The following TTC6 variants were observed in gnomAD, a reference collection of about 807,000 sequenced individuals.
TTC6 encodes the protein tetratricopeptide repeat domain 6.
In TTC6, 172 loss-of-function variants were observed where a neutral mutation model predicts 210.4. That is an observed-to-expected ratio of 0.82 (90% CI 0.72 to 0.93). TTC6 has a LOEUF of 0.93. Ranked by LOEUF, TTC6 falls within the 40% of genes least tolerant of loss-of-function variation. TTC6 has a pLI of 0.00. For synonymous variants in TTC6, 804 were observed against 819.6 expected, an observed-to-expected ratio of 0.98 and a Z score of 0.32; for missense variants, 2,414 against 2,318.1, an observed-to-expected ratio of 1.04 and a Z score of -0.85.
chr14:37,708,602 G>GTA (rs1264336843), intron 5 of TTC6, among the ~76,000 whole-genome samples: 1 of 151,872 alleles, frequency 6.6e-6, no homozygotes, highest in African/African-American at 2.4e-5. Flanking sequence ...GCTTAATTCT[G>GTA]TATACTCGCT....
At chr14:37,816,270 CT>C (rs1455553658) in intron 25 of TTC6, among the ~76,000 whole-genome samples, 5 of 152,158 alleles carry the variant, frequency 3.3e-5, no homozygotes, top group Non-Finnish European at 7.3e-5. Flanking sequence ...AACCTTAATA[CT>C]CCCTCTTCCA....
intron 7 of TTC6, among the ~76,000 whole-genome samples, chr14:37,732,849 G>T (rs888138213): frequency 8.2e-5 from 12 of 145,544 alleles, no homozygotes; most frequent in African/African-American, 3.0e-4. Flanking sequence ...CTCGTGATCC[G>T]CCCACCTCGG....
intron 2 of TTC6, 66 bp from the exon 5 acceptor site, chr14:37,682,692 A>G (rs1190810157): frequency 1.5e-6 from 2 of 1,328,264 alleles, no homozygotes; most frequent in Admixed American, 2.2e-5. Flanking sequence ...AAACTGTTGC[A>G]TCACTGAAAA....
chr14:37,840,792 T>G (rs2096208202), intron 29 of TTC6, among the ~76,000 whole-genome samples: 1 of 152,148 alleles, frequency 6.6e-6, no homozygotes, highest in African/African-American at 2.4e-5. Context: ...TGTTGTGGCC[T>G]TCTTTTCTAT....
intron 5 of TTC6, among the ~76,000 whole-genome samples, chr14:37,704,297 C>G (rs2138697769): frequency 6.6e-6 from 1 of 152,150 alleles, no homozygotes; most frequent in East Asian, 1.9e-4. Context: ...TTAAGTGATC[C>G]TCCTGCACCA....
chr14:37,787,505 T>G, exon 15 of TTC6: 1 of 1,529,738 alleles, frequency 6.5e-7, no homozygotes, highest in South Asian at 1.2e-5. Flanking sequence ...ATGGAAATTT[T>G]ATAAAGAAGC....
chr14:37,622,921 C>T, exon 1 of TTC6: 1 of 1,533,928 alleles, frequency 6.5e-7, no homozygotes, highest in South Asian at 1.2e-5. Context: ...TCTCTGCAGT[C>T]CGAGGCCCAG....
chr14:37,807,012 AT>A, intron 22 of TTC6, among the ~76,000 whole-genome samples: 1 of 152,180 alleles, frequency 6.6e-6, no homozygotes, highest in Non-Finnish European at 1.5e-5. Context: ...TTCACAGGAG[AT>A]GCATACTGGA....
intron 3 of TTC6, among the ~76,000 whole-genome samples, chr14:37,687,606 T>TG (rs2095796402): frequency 6.6e-6 from 1 of 151,602 alleles, no homozygotes; most frequent in South Asian, 2.1e-4. Flanking sequence ...GATGGAAGAG[T>TG]GGGGAAGACT....
At chr14:37,597,787 C>A (rs545787420) in intron 1 of TTC6, among the ~76,000 whole-genome samples, 2 of 152,190 alleles carry the variant, frequency 1.3e-5, no homozygotes, top group Non-Finnish European at 2.9e-5. Flanking sequence ...CGGGGAGCAC[C>A]GCCAGGCGAT....
intron 6 of TTC6, among the ~76,000 whole-genome samples, chr14:37,716,554 C>A (rs1417247280): frequency 1.3e-5 from 2 of 152,164 alleles, no homozygotes; most frequent in Non-Finnish European, 2.9e-5. Context: ...ATAAGATAGA[C>A]TTCCAAGCAA....
chr14:37,830,046 G>A (rs1379908206), intron 29 of TTC6, among the ~76,000 whole-genome samples: 1 of 151,906 alleles, frequency 6.6e-6, no homozygotes, highest in Non-Finnish European at 1.5e-5. Context: ...TCTAAGGAGG[G>A]GCTCCTGAGA....
At position 37,749,853 on chromosome 14, in the gene TTC6, C is replaced by A; in HGVS notation, c.2956+10C>A. 1.5e-6 allele frequency: 2 copies of A among 1,348,512 alleles called. No homozygotes were observed. The highest frequency in any genetic ancestry group is 4.0e-5 in the South Asian group (2 of 50,566). The allele number at this position is 1,348,512 out of a possible 1,614,324, so 83.5% of individuals were successfully genotyped here. A position where few individuals can be genotyped will look rare whatever the true frequency, so the allele number is the denominator to read the frequency against. ...AATAAAAATAATACAGGTGGGTTGTCTGTAGAGACAGTTATATTACCTACA... is the reference window on the plus strand; with the variant it reads ...AATAAAAATAATACAGGTGGGTTGTATGTAGAGACAGTTATATTACCTACA... On this transcript the variant is annotated intron_variant, in intron 12 of 30. Coordinates refer to ENST00000553443, the Ensembl canonical transcript of TTC6.
At chr14:37,599,402 C>T (rs1247222534) in intron 1 of TTC6, among the ~76,000 whole-genome samples, 2 of 152,218 alleles carry the variant, frequency 1.3e-5, no homozygotes, top group Non-Finnish European at 2.9e-5. Context: ...GGCCTCAACC[C>T]CGGCTGTGTG....
intron 1 of TTC6, among the ~76,000 whole-genome samples, chr14:37,606,087 C>A (rs539412512): frequency 6.6e-6 from 1 of 152,118 alleles, no homozygotes; most frequent in Non-Finnish European, 1.5e-5. Context: ...TGGAAGGAAG[C>A]TTGGCAGATG....
At chr14:37,769,102 A>G (rs1185594525) in intron 14 of TTC6, among the ~76,000 whole-genome samples, 1 of 150,826 alleles carries the variant, frequency 6.6e-6, no homozygotes, top group East Asian at 2.0e-4. Flanking sequence ...GCTGGATTAC[A>G]TTTATTGATT....
intron 1 of TTC6, among the ~76,000 whole-genome samples, chr14:37,650,882 A>T (rs1595060764): frequency 1.3e-5 from 2 of 152,352 alleles, no homozygotes; most frequent in East Asian, 3.9e-4. Flanking sequence ...TTACAATGCA[A>T]ACTATAACGC....
intron 1 of TTC6, among the ~76,000 whole-genome samples, chr14:37,635,981 CAAAAAA>C (rs71433909): frequency 7.8e-4 from 55 of 70,362 alleles, no homozygotes; most frequent in African/African-American, 3.6e-3. Flanking sequence ...ATTCCATTTC[CAAAAAA>C]AAAAAAAAAA....
At chr14:37,721,404 C>A (rs1043099390) in intron 6 of TTC6, among the ~76,000 whole-genome samples, 2 of 152,070 alleles carry the variant, frequency 1.3e-5, no homozygotes, top group African/African-American at 4.8e-5. Context: ...CAGAAAAGTT[C>A]TTTAGCATTG....
Sources: allele counts gnomAD v4.1 joint callset (sites outside exome capture counted in the v4.1 genomes callset), GRCh38; gene constraint gnomAD v4.1.1; transcripts MANE v1.5; gene names NCBI Gene and HGNC (gene_info 2026-07-23, HGNC 2026-07-21).